SORCS3: variants seen among roughly 807,000 people sequenced by gnomAD.
The protein encoded by SORCS3 is sortilin related VPS10 domain containing receptor 3.
Under a neutral mutation model 146.3 loss-of-function variants are expected in SORCS3, and 57 were observed. That is an observed-to-expected ratio of 0.39 (90% CI 0.31 to 0.49). The LOEUF is 0.49. Ranked by LOEUF, SORCS3 falls within the 20% of genes least tolerant of loss-of-function variation. The pLI, the probability that SORCS3 is intolerant of heterozygous loss-of-function variation, is 0.92. For missense variants in SORCS3, 1,341 were observed against 1,575.5 expected, an observed-to-expected ratio of 0.85 and a Z score of 2.52; for synonymous variants, 653 against 618.5, an observed-to-expected ratio of 1.06 and a Z score of -0.83.
intron 17 of SORCS3, among the ~76,000 whole-genome samples, chr10:105,212,354 C>T (rs1198483426): frequency 6.6e-6 from 1 of 152,126 alleles, no homozygotes. Context: ...GCAGATCCAA[C>T]AGCATGAAGT....
At chr10:104,902,858 T>C (rs2018865676) in intron 2 of SORCS3, among the ~76,000 whole-genome samples, 1 of 152,174 alleles carries the variant, frequency 6.6e-6, no homozygotes, top group South Asian at 2.1e-4. Flanking sequence ...GTTTTTGGTG[T>C]TGTGTTGCTA....
intron 1 of SORCS3, among the ~76,000 whole-genome samples, chr10:104,723,555 A>T (rs1270038207): frequency 1.3e-5 from 2 of 152,190 alleles, no homozygotes; most frequent in Admixed American, 6.5e-5. Context: ...TGTCTCGTTG[A>T]TCTGTCTAAT....
chr10:104,908,668 C>A (rs2018933920), intron 2 of SORCS3, among the ~76,000 whole-genome samples: 1 of 152,130 alleles, frequency 6.6e-6, no homozygotes, highest in African/African-American at 2.4e-5. Flanking sequence ...TGTGACTGTT[C>A]TTTTGAGAAG....
chr10:104,943,764 A>G (rs11192240), intron 3 of SORCS3, among the ~76,000 whole-genome samples: 13,054 of 152,276 alleles, frequency 0.086, 727 homozygotes, highest in South Asian at 0.25. Flanking sequence ...AGGTAAGAGA[A>G]TCTTGGAAAA....
At chr10:104,660,619 C>CT (rs144771628) in intron 1 of SORCS3, among the ~76,000 whole-genome samples, 12,252 of 151,766 alleles carry the variant, frequency 0.081, 665 homozygotes, top group Non-Finnish European at 0.13. Context: ...TGTGTCTTCA[C>CT]TTTTTTTTTC....
intron 20 of SORCS3, among the ~76,000 whole-genome samples, chr10:105,242,807 TTA>T: frequency 1.0e-5 from 1 of 97,474 alleles, no homozygotes; most frequent in Admixed American, 1.6e-4. Context: ...TATATATAAT[TTA>T]TATATATTTT....
chr10:105,018,678 A>G lies in SORCS3; in HGVS notation c.955-24377A>G, dbSNP rs189471599. Reference sequence around the variant, plus strand: ...AAACAAAATATAGCAATAATTCTACAGGCTCAACAAAATTGAATTGAATTG... The same window carrying G: ...AAACAAAATATAGCAATAATTCTACGGGCTCAACAAAATTGAATTGAATTG... On this transcript the variant is annotated intron_variant, in intron 4 of 26. Coordinates refer to ENST00000369701, the MANE Select transcript of SORCS3 (RefSeq NM_014978.3). Among the ~76,000 whole-genome samples the G allele has an allele frequency of 3.1e-3, 469 of 152,348 alleles. 2 individuals are homozygous for G. Among genetic ancestry groups the G allele is most frequent in the Middle Eastern group, 0.014 (4 of 294 alleles).
intron 2 of SORCS3, among the ~76,000 whole-genome samples, chr10:104,849,253 A>G (rs990721176): frequency 7.2e-5 from 11 of 151,994 alleles, no homozygotes; most frequent in Middle Eastern, 3.4e-3. Flanking sequence ...TCTACTAAAA[A>G]ATACAAAAAT....
rs1036147541 is a variant in SORCS3 at position 104,986,049 on chromosome 10, A to C, written c.954+8556A>C. Among the ~76,000 whole-genome samples the C allele has an allele frequency of 2.0e-5, 3 of 152,216 alleles. No individual in the cohort carries two copies. The South Asian group carries it at 6.2e-4, about 32-fold the overall frequency. On this transcript the variant is annotated intron_variant, in intron 4 of 26. Transcript: ENST00000369701. The stretch of plus-strand genomic sequence containing the variant: ...TTCCGTCCTTTGAAGCTTTGAAGCC[A>C]GGCATTGACTTCTCCTCTCTAGCTG...
At position 105,157,187 on chromosome 10, in the gene SORCS3, A is replaced by G. The variant is rs1341734866; in HGVS notation, c.1532A>G (p.Gln511Arg). 3 of 1,614,054 alleles carry G rather than the reference A, an allele frequency of 1.9e-6. No homozygotes were observed. The highest frequency in any genetic ancestry group is 2.2e-5 in the East Asian group (1 of 44,854). Residue 511 changes from glutamine (Q) to arginine (R), a missense_variant, in exon 10 of 27, where the codon CAG becomes CGG. Physicochemically the swap from Gln to Arg is conservative, Grantham distance 43. Transcript: ENST00000369701. ...CTGGCAAACAAGAAGGTGGACGACC[A>G]GGTGAAGACATACATCACTTACAAC... The part of the protein sequence containing the change: ...IFLANKKVDD[Q>R]VKTYITYNKG...
chr10:104,725,534 T>C (rs2016616640), intron 1 of SORCS3, among the ~76,000 whole-genome samples: 1 of 152,124 alleles, frequency 6.6e-6, no homozygotes, highest in Non-Finnish European at 1.5e-5. Flanking sequence ...TCTGCAGAGG[T>C]TTCTGCTGCC....
intron 1 of SORCS3, among the ~76,000 whole-genome samples, chr10:104,728,745 G>A (rs1198809083): frequency 6.6e-6 from 1 of 152,146 alleles, no homozygotes; most frequent in Admixed American, 6.5e-5. Flanking sequence ...AAAAATCCTA[G>A]TATCTGGCTG....
intron 14 of SORCS3, among the ~76,000 whole-genome samples, chr10:105,195,287 T>C (rs568964139): frequency 5.3e-5 from 8 of 152,298 alleles, no homozygotes; most frequent in African/African-American, 1.9e-4. Flanking sequence ...TTACTGGAAC[T>C]TGATTATTTT....
chr10:105,183,407 CTG>C (rs2056454894), intron 14 of SORCS3, among the ~76,000 whole-genome samples: 1 of 152,030 alleles, frequency 6.6e-6, no homozygotes, highest in Non-Finnish European at 1.5e-5. Context: ...ACTTAAAAAA[CTG>C]TGACCACATG....
intron 1 of SORCS3, among the ~76,000 whole-genome samples, chr10:104,779,416 G>A (rs1280451317): frequency 6.6e-6 from 1 of 152,144 alleles, no homozygotes; most frequent in African/African-American, 2.4e-5. Context: ...CTGATGAGAG[G>A]ACACGTACAC....
chr10:104,986,410 A>G lies in SORCS3; in HGVS notation c.954+8917A>G, dbSNP rs554666564. 4.6e-5 allele frequency among the ~76,000 whole-genome samples: 7 copies of G among 152,298 alleles called. No homozygotes were observed. The East Asian group carries it at 1.2e-3, about 25-fold the overall frequency. On this transcript the variant is annotated intron_variant, in intron 4 of 26. Coordinates refer to ENST00000369701, the MANE Select transcript of SORCS3 (RefSeq NM_014978.3). Reference sequence around the variant, plus strand: ...TTTGATCTTGTATCTAGACCACTAAAACTTTCTTTATATCAGCAATAAGGC... The same window carrying G: ...TTTGATCTTGTATCTAGACCACTAAGACTTTCTTTATATCAGCAATAAGGC...
chr10:104,969,962 TA>T (rs1454406130), intron 3 of SORCS3, among the ~76,000 whole-genome samples: 1 of 152,166 alleles, frequency 6.6e-6, no homozygotes, highest in African/African-American at 2.4e-5. Context: ...GTATATAAAA[TA>T]AAGTTCATTT....
At chr10:104,698,699 A>G (rs558443650) in intron 1 of SORCS3, among the ~76,000 whole-genome samples, 20 of 152,184 alleles carry the variant, frequency 1.3e-4, no homozygotes, top group Non-Finnish European at 2.4e-4. Flanking sequence ...GGACATAGAG[A>G]AGGCCAGAAC....
chr10:104,814,452 T>G (rs560875382), intron 1 of SORCS3, among the ~76,000 whole-genome samples: 12 of 152,276 alleles, frequency 7.9e-5, no homozygotes, highest in Admixed American at 1.3e-4. Flanking sequence ...CATGCCTCTG[T>G]GCCTTCATAG....
Sources: gnomAD v4.1 joint callset for allele counts (sites outside exome capture counted in the v4.1 genomes callset) on GRCh38, gnomAD v4.1.1 for gene constraint, MANE v1.5 for transcripts, NCBI Gene and HGNC (gene_info 2026-07-23, HGNC 2026-07-21) for gene names.